MSH6: variants seen among roughly 807,000 people sequenced by gnomAD.
The protein encoded by MSH6 is mutS homolog 6.
Under a neutral mutation model 119.1 loss-of-function variants are expected in MSH6, and 85 were observed. The observed-to-expected ratio is 0.71, with a 90% CI of 0.60 to 0.85. The LOEUF (loss-of-function observed/expected upper bound fraction) is 0.85, where lower values mean the gene tolerates loss of function less well. MSH6 is among the 40% of genes least tolerant of loss of function. The probability of loss-of-function intolerance (pLI) is 0.00; values close to 1 mark genes in which losing one functional copy is unlikely to be tolerated. For missense variants in MSH6, 2,163 were observed against 1,655.3 expected, an observed-to-expected ratio of 1.31 and a Z score of -5.32; for synonymous variants, 830 against 586.9, an observed-to-expected ratio of 1.41 and a Z score of -5.99.
rs758303780 is a variant in MSH6 at position 47,790,973 on chromosome 2, T to C, written c.307T>C (p.Tyr103His). The C allele has an allele frequency of 6.2e-7, 1 of 1,614,254 alleles. No homozygotes were observed. Among genetic ancestry groups the C allele is most frequent in the South Asian group, 1.1e-5 (1 of 91,088 alleles). Residue 103 changes from tyrosine to histidine, a missense_variant, in exon 2 of 10, where the codon TAC becomes CAC. By Grantham distance (83) the Tyr-to-His change is moderately conservative. Transcript: ENST00000234420. ...GDLVWAKMEG[Y>H]PWWPCLVYNH... is the part of the protein sequence containing the mutation. ...TTTGGTTTGGGCCAAGATGGAGGGT[T>C]ACCCCTGGTGGCCTTGTCTGGTTTA...
At chr2:47,805,149 A>ACAT (rs1391198641) in intron 6 of MSH6, 122 bp downstream of exon 6, 2 of 758,624 alleles carry the variant, frequency 2.6e-6, no homozygotes, top group Non-Finnish European at 4.6e-6. Context: ...TACTTTAAAA[A>ACAT]CATCACTTTT....
chr2:47,788,929 T>TTTTTTTG lies in MSH6; in HGVS notation c.261-1992_261-1991insGTTTTTT, dbSNP rs1668549437. The stretch of plus-strand genomic sequence containing the variant: ...TTCCTTTTTTTTTTTTTTGTTTTTT[T>TTTTTTTG]TTTTTTTTTTTTTTTTTTGTGAGAC... On this transcript the variant is annotated intron_variant, in intron 1 of 9. Coordinates refer to ENST00000234420, the MANE Select transcript of MSH6 (RefSeq NM_000179.3). Among the ~76,000 whole-genome samples the TTTTTTTG allele has an allele frequency of 5.4e-5, 5 of 92,602 alleles. 1 individual carries two copies. Among genetic ancestry groups the TTTTTTTG allele is most frequent in the Admixed American group, 1.0e-4 (1 of 9,560 alleles). 60.8% of individuals were successfully genotyped at this position (92,602 alleles called of 152,430 possible).
rs915873360 is a variant in MSH6 at position 47,798,631 on chromosome 2, A to T, written c.648A>T (p.Thr216=). The T allele has an allele frequency of 3.7e-6, 6 of 1,611,626 alleles. No homozygotes were observed. In the Admixed American group the frequency reaches 8.3e-5, roughly 22 times the overall value. ...EEMEVGTTYV[T]DKSEEDNEIE... ...GGCAGGTAGGCACAACTTACGTAAC[A>T]GATAAGAGTGAAGAAGATAATGAAA... Residue 216 remains threonine, a synonymous_variant, in exon 4 of 10, where the codon ACA becomes ACT. Coordinates refer to ENST00000234420, the MANE Select transcript of MSH6 (RefSeq NM_000179.3).
chr2:47,783,565 T>A (rs2103947773), intron 1 of MSH6, 72 bp downstream of exon 1: 2 of 1,267,632 alleles, frequency 1.6e-6, no homozygotes, highest in Non-Finnish European at 2.1e-6. Context: ...GAGGGGAGGC[T>A]CGCACAGGGG....
rs771575217 is a variant in MSH6 at position 47,800,764 on chromosome 2, T to G, written c.2781T>G (p.Ile927Met). 1.3e-5 allele frequency: 21 copies of G among 1,614,074 alleles called. No homozygotes were observed. Among genetic ancestry groups the G allele is most frequent in the Non-Finnish European group, 1.7e-5 (20 of 1,180,046 alleles). ...AAAAGGCTCGAAAGACTGGACTTATTACTCCCAAAGCAGGCTTTGACTCTG... is the reference window on the plus strand; with the variant it reads ...AAAAGGCTCGAAAGACTGGACTTATGACTCCCAAAGCAGGCTTTGACTCTG... ...DHEKARKTGLITPKAGFDSDY... is the reference protein window; with the variant it reads ...DHEKARKTGLMTPKAGFDSDY... The change falls in exon 4 of 10, where the codon ATT becomes ATG. Residue 927 changes from isoleucine (I) to methionine (M), a missense_variant. Physicochemically the swap from Ile to Met is conservative, Grantham distance 10. Coordinates refer to ENST00000234420, the MANE Select transcript of MSH6 (RefSeq NM_000179.3).
At position 47,799,299 on chromosome 2, in the gene MSH6, A is replaced by T. The variant is rs786202363; in HGVS notation, c.1316A>T (p.Asp439Val). The T allele has an allele frequency of 6.2e-7, 1 of 1,613,868 alleles. No individual in the cohort carries two copies. The change falls in exon 4 of 10, where the codon GAT becomes GTT. Residue 439 changes from aspartate to valine, a missense_variant. Physicochemically the swap from Asp to Val is radical, Grantham distance 152 (BLOSUM62 -3). Transcript: ENST00000234420. ...VGKFYELYHM[D>V]ALIGVSELGL... ...AAATTTTATGAGCTGTACCACATGG[A>T]TGCTCTTATTGGAGTCAGTGAACTG... is the stretch of plus-strand genomic sequence containing the variant.
rs2104487770 is a variant in MSH6 at position 47,803,704 on chromosome 2, TTTG to T, written c.3438+22_3438+24del. On this transcript the variant is annotated intron_variant, in intron 5 of 9. Coordinates refer to ENST00000234420, the MANE Select transcript of MSH6 (RefSeq NM_000179.3). Reference sequence around the variant, plus strand: ...GAGACAGGTAACTGATTCTTAAAGTTTTGTTATCAGAAAGTCATTTGTGACATT... The same window carrying T: ...GAGACAGGTAACTGATTCTTAAAGTTTTATCAGAAAGTCATTTGTGACATT... 1.2e-6 allele frequency: 2 copies of T among 1,614,134 alleles called. No individual in the cohort carries two copies. Among genetic ancestry groups the T allele is most frequent in the Non-Finnish European group, 1.7e-6 (2 of 1,179,962 alleles).
rs397515875 is a variant in MSH6 at position 47,803,419 on chromosome 2, G to C, written c.3173-1G>C. 2 of 1,614,190 alleles carry C rather than the reference G, an allele frequency of 1.2e-6. No individual in the cohort carries two copies. Among genetic ancestry groups the C allele is most frequent in the Non-Finnish European group, 8.5e-7 (1 of 1,180,044 alleles). Reference sequence around the variant, plus strand: ...CTCACTTTTACCCTCTCTTTTAACAGATGTTTTACTGTGCCTGGCTAACTA... The same window carrying C: ...CTCACTTTTACCCTCTCTTTTAACACATGTTTTACTGTGCCTGGCTAACTA... On this transcript the variant is annotated splice_acceptor_variant, in intron 4 of 9. Transcript: ENST00000234420. LOFTEE classifies it high-confidence loss of function.
At chr2:47,789,347 T>G (rs1369253400) in intron 1 of MSH6, 3 of 410,928 alleles carry the variant, frequency 7.3e-6, no homozygotes, top group Non-Finnish European at 1.5e-5. Context: ...TTTCTAATAT[T>G]TTATTTCAGA....
chr2:47,791,126 A>G lies in MSH6; in HGVS notation c.457+3A>G, dbSNP rs1060502921. The G allele has an allele frequency of 2.5e-6, 4 of 1,613,242 alleles. No homozygotes were observed. In the South Asian group the frequency reaches 4.4e-5, roughly 18 times the overall value. The stretch of plus-strand genomic sequence containing the variant: ...AAGGCTTTTAAAGCCATATACAGGT[A>G]AGAGTCACTACTGCCATGTGTGTGT... On this transcript the variant is annotated splice_donor_region_variant and intron_variant, in intron 2 of 9. Coordinates refer to ENST00000234420, the MANE Select transcript of MSH6 (RefSeq NM_000179.3).
rs1060502914 is a variant in MSH6 at position 47,803,518 on chromosome 2, C to G, written c.3271C>G (p.Leu1091Val). The G allele has an allele frequency of 1.9e-6, 3 of 1,614,118 alleles. No homozygotes were observed. The South Asian group carries it at 3.3e-5, about 18-fold the overall frequency. The change falls in exon 5 of 10, where the codon CTT becomes GTT. Residue 1091 changes from leucine (L) to valine (V), a missense_variant. Leu to Val is a conservative substitution (Grantham distance 32, BLOSUM62 1). Transcript: ENST00000234420. Reference sequence around the variant, plus strand: ...GGAAGATACCCCCCCCTTCTTAGAGCTTAAAGGATCACGCCATCCTTGCAT... The same window carrying G: ...GGAAGATACCCCCCCCTTCTTAGAGGTTAAAGGATCACGCCATCCTTGCAT... ...LPEDTPPFLELKGSRHPCITK... is the reference protein window; with the variant it reads ...LPEDTPPFLEVKGSRHPCITK...
rs748847338 is a variant in MSH6 at position 47,799,361 on chromosome 2, G to C, written c.1378G>C (p.Gly460Arg). The C allele has an allele frequency of 6.2e-7, 1 of 1,614,090 alleles. No homozygotes were observed. Among genetic ancestry groups the C allele is most frequent in the East Asian group, 2.2e-5 (1 of 44,888 alleles). Residue 460 changes from glycine (G) to arginine (R), a missense_variant, in exon 4 of 10, where the codon GGC becomes CGC. Coordinates refer to ENST00000234420, the MANE Select transcript of MSH6 (RefSeq NM_000179.3). The part of the protein sequence containing the change: ...VFMKGNWAHS[G>R]FPEIAFGRYS... ...CATGAAAGGCAACTGGGCCCATTCT[G>C]GCTTTCCTGAAATTGCATTTGGCCG...
At position 47,800,983 on chromosome 2, in the gene MSH6, G is replaced by T. The variant is rs756868452; in HGVS notation, c.3000G>T (p.Lys1000Asn). The T allele has an allele frequency of 1.3e-6, 2 of 1,561,490 alleles. No individual in the cohort carries two copies. The highest frequency in any genetic ancestry group is 1.7e-6 in the Non-Finnish European group (2 of 1,156,562). ...LPEEYELKST[K>N]KGCKRYWTKT... ...AAGAATACGAGTTGAAATCTACCAA[G>T]AAGGGCTGTAAACGATACTGGACCA... Residue 1000 changes from lysine to asparagine, a missense_variant, in exon 4 of 10, where the codon AAG becomes AAT. By Grantham distance (94) the Lys-to-Asn change is moderately conservative. Coordinates refer to ENST00000234420, the MANE Select transcript of MSH6 (RefSeq NM_000179.3).
intron 9 of MSH6, 33 bp from the exon 10 acceptor site, chr2:47,806,746 A>AAAAACTTTTTTTTTTTTTTTTTTTT: frequency 6.6e-7 from 1 of 1,525,020 alleles, no homozygotes; most frequent in Non-Finnish European, 8.9e-7. Context: ...GAAAAAACAA[A>AAAAACTTTTTTTTTTTTTTTTTTTT]AAAACTTTTT....
chr2:47,785,262 C>T (rs1046386157), intron 1 of MSH6, among the ~76,000 whole-genome samples: 2 of 152,194 alleles, frequency 1.3e-5, no homozygotes, highest in Non-Finnish European at 2.9e-5. Context: ...GAGTCTCGCT[C>T]TGTCGCCCAG....
At chr2:47,786,923 A>C (rs1045400614) in intron 1 of MSH6, among the ~76,000 whole-genome samples, 5 of 152,150 alleles carry the variant, frequency 3.3e-5, no homozygotes, top group Non-Finnish European at 7.3e-5. Flanking sequence ...AGTGTGAGCC[A>C]CCACACCCAG....
chr2:47,799,112 AAG>A lies in MSH6; in HGVS notation c.1133_1134del (p.Arg378LysfsTer3), dbSNP rs2104321566. On this transcript the variant is annotated frameshift_variant, in exon 4 of 10. Transcript: ENST00000234420. LOFTEE classifies it high-confidence loss of function. ...AACTTTAGAATGGCTTAAGGAGGAA[AAG>A]AGAAGAGATGAGCACAGGAGGAGGC... ...HETLEWLKEEKRRDEHRRRPD... is the reference protein window; with the variant it reads ...HETLEWLKEEXRRDEHRRRPD... 6.2e-7 allele frequency: 1 copy of A among 1,614,128 alleles called. No individual in the cohort carries two copies.
downstream of MSH6, chr2:47,808,093 A>C: frequency 1.3e-6 from 2 of 1,585,094 alleles, no homozygotes; most frequent in Non-Finnish European, 1.7e-6. Flanking sequence ...TTACAATGGC[A>C]GGACTTTTTC....
Position 47,805,726 on chromosome 2 carries a change from C to T in MSH6, c.3646+19C>T, listed in dbSNP as rs370746787. On this transcript the variant is annotated intron_variant, in intron 7 of 9. Coordinates refer to ENST00000234420, the MANE Select transcript of MSH6 (RefSeq NM_000179.3). ...GAATTAGGTAAGACATTAAACTTCTCATTTGAAGACTATCTATCTTAAAAA... is the reference window on the plus strand; with the variant it reads ...GAATTAGGTAAGACATTAAACTTCTTATTTGAAGACTATCTATCTTAAAAA... The T allele has an allele frequency of 9.7e-6, 14 of 1,436,032 alleles. No homozygotes were observed. The highest frequency in any genetic ancestry group is 1.8e-5 in the Admixed American group (1 of 54,622). The allele number at this position is 1,436,032 out of a possible 1,614,324, so 89.0% of individuals were successfully genotyped here.
Sources: allele counts gnomAD v4.1 joint callset (sites outside exome capture counted in the v4.1 genomes callset), GRCh38; gene constraint gnomAD v4.1.1; transcripts MANE v1.5; gene names NCBI Gene and HGNC (gene_info 2026-07-23, HGNC 2026-07-21).